The following SAMMSON variants were observed in gnomAD, a reference collection of about 807,000 sequenced individuals.
SAMMSON encodes long intergenic non-protein coding RNA 1212.
At chr3:70,199,119 A>G (rs1008031996) in intron 4 of SAMMSON, among the ~76,000 whole-genome samples, 2 of 152,192 alleles carry the variant, frequency 1.3e-5, no homozygotes, top group African/African-American at 4.8e-5. Context: ...CCATATAAAA[A>G]TGAGTCCACT....
chr3:70,165,675 C>T (rs996887173), intron 4 of SAMMSON, among the ~76,000 whole-genome samples: 1 of 151,992 alleles, frequency 6.6e-6, no homozygotes, highest in Admixed American at 6.6e-5. Flanking sequence ...CCTGAACACT[C>T]TGTCATGGCT....
chr3:70,022,236 C>G (rs902893999), intron 3 of SAMMSON, among the ~76,000 whole-genome samples: 1 of 126,992 alleles, frequency 7.9e-6, no homozygotes, highest in African/African-American at 3.0e-5. Context: ...ACTGGCCCCC[C>G]AAATGTACCT....
intron 9 of SAMMSON, among the ~76,000 whole-genome samples, chr3:70,360,795 C>G (rs1461237845): frequency 2.0e-5 from 3 of 151,852 alleles, no homozygotes; most frequent in Non-Finnish European, 2.9e-5. Flanking sequence ...ATGTGCTAAG[C>G]TTTTTGGAAT....
chr3:70,077,082 A>G (rs368223384), intron 4 of SAMMSON, among the ~76,000 whole-genome samples: 5 of 152,282 alleles, frequency 3.3e-5, no homozygotes, highest in African/African-American at 1.2e-4. Context: ...TAACTCTGTG[A>G]CTGGCTCGCC....
chr3:70,269,517 C>CTT (rs139928744), intron 6 of SAMMSON, among the ~76,000 whole-genome samples: 2 of 152,020 alleles, frequency 1.3e-5, no homozygotes, highest in African/African-American at 4.8e-5. Flanking sequence ...ATATCATTTT[C>CTT]TTTTTTCTGT....
intron 6 of SAMMSON, among the ~76,000 whole-genome samples, chr3:70,261,843 G>A (rs1262494648): frequency 6.6e-6 from 1 of 152,136 alleles, no homozygotes; most frequent in Non-Finnish European, 1.5e-5. Context: ...GAACCTGAAT[G>A]CCCGAACCCT....
chr3:70,032,309 G>A (rs1447704688), intron 3 of SAMMSON, among the ~76,000 whole-genome samples: 1 of 151,874 alleles, frequency 6.6e-6, no homozygotes, highest in Non-Finnish European at 1.5e-5. Context: ...GAATAAGTCT[G>A]GAATAGAAAA....
intron 4 of SAMMSON, among the ~76,000 whole-genome samples, chr3:70,191,621 A>G (rs1701131757): frequency 2.6e-5 from 4 of 152,338 alleles, no homozygotes; most frequent in Admixed American, 1.3e-4. Context: ...AATTCTAATC[A>G]TTGTACAGGA....
chr3:70,393,838 G>A (rs1701069723), downstream of SAMMSON, among the ~76,000 whole-genome samples: 1 of 152,090 alleles, frequency 6.6e-6, no homozygotes. Flanking sequence ...GCCAGAGCAG[G>A]GTTTGCTGAA....
intron 4 of SAMMSON, among the ~76,000 whole-genome samples, chr3:70,113,757 T>C (rs2067398987): frequency 6.6e-6 from 1 of 152,142 alleles, no homozygotes; most frequent in Admixed American, 6.5e-5. Flanking sequence ...CATTTGGAGG[T>C]GGGACCTTTG....
chr3:70,296,441 CCA>C (rs976458730), intron 7 of SAMMSON, among the ~76,000 whole-genome samples: 1 of 151,918 alleles, frequency 6.6e-6, no homozygotes, highest in African/African-American at 2.4e-5. Context: ...ACACTGAGCC[CCA>C]GTTTATAGAA....
chr3:70,152,222 A>G (rs1001796769), intron 4 of SAMMSON, among the ~76,000 whole-genome samples: 3 of 152,050 alleles, frequency 2.0e-5, no homozygotes, highest in Non-Finnish European at 4.4e-5. Flanking sequence ...ATACCATGAA[A>G]AAAAATCATC....
At position 70,381,175 on chromosome 3, in the gene SAMMSON, TG is replaced by T. The variant is rs762989191; in HGVS notation, n.914-8398del. ...GCCCAATGCAGTTGTGTTAAAAAGA[TG>T]TAGAAACCAATTCCTCACTCTGAAT... On this transcript the variant is annotated intron_variant and non_coding_transcript_variant, in intron 9 of 9. Transcript: ENST00000642114. Among the ~76,000 whole-genome samples the T allele has an allele frequency of 3.9e-5, 6 of 152,282 alleles. No homozygotes were observed. In the East Asian group the frequency reaches 1.2e-3, roughly 29 times the overall value.
At chr3:70,377,243 T>C (rs1192038875) in intron 9 of SAMMSON, among the ~76,000 whole-genome samples, 1 of 152,156 alleles carries the variant, frequency 6.6e-6, no homozygotes, top group Non-Finnish European at 1.5e-5. Context: ...AGTTAATTTC[T>C]AGAAATTAAG....
At chr3:70,194,720 C>G (rs1345879343) in intron 4 of SAMMSON, among the ~76,000 whole-genome samples, 5 of 152,138 alleles carry the variant, frequency 3.3e-5, no homozygotes, top group African/African-American at 7.2e-5. Flanking sequence ...AATGCACAAT[C>G]TTTGCATAAT....
downstream of SAMMSON, among the ~76,000 whole-genome samples, chr3:70,390,647 G>A (rs944472144): frequency 6.6e-6 from 1 of 152,034 alleles, no homozygotes; most frequent in Non-Finnish European, 1.5e-5. Flanking sequence ...ACTATGCCAT[G>A]AGGGATCCAT....
At chr3:70,090,616 T>C (rs2067301453) in intron 4 of SAMMSON, among the ~76,000 whole-genome samples, 1 of 152,196 alleles carries the variant, frequency 6.6e-6, no homozygotes, top group Non-Finnish European at 1.5e-5. Context: ...GTACTTTTGA[T>C]ATTTCCAAGT....
intron 7 of SAMMSON, among the ~76,000 whole-genome samples, chr3:70,300,564 G>T (rs1363009815): frequency 6.6e-6 from 1 of 151,812 alleles, no homozygotes. Flanking sequence ...TTTCCCTGTT[G>T]AGTGTTTTCA....
chr3:70,261,137 A>G (rs527405419), intron 6 of SAMMSON, among the ~76,000 whole-genome samples: 1 of 152,312 alleles, frequency 6.6e-6, no homozygotes, highest in East Asian at 1.9e-4. Flanking sequence ...GTCCATTAGC[A>G]GATAATATTG....
Sources: gnomAD v4.1 joint callset for allele counts (sites outside exome capture counted in the v4.1 genomes callset) on GRCh38, gnomAD v4.1.1 for gene constraint, MANE v1.5 for transcripts, NCBI Gene and HGNC (gene_info 2026-07-23, HGNC 2026-07-21) for gene names.